FGF12: variants seen among roughly 807,000 people sequenced by gnomAD.
FGF12 encodes fibroblast growth factor 12B.
A neutral mutation model predicts 23.6 loss-of-function variants in FGF12; 14 were observed. That is an observed-to-expected ratio of 0.59 (90% CI 0.39 to 0.93). FGF12 has a LOEUF of 0.93. Among genes scored for constraint, FGF12 ranks in the 40% least tolerant of loss-of-function variants. FGF12 has a pLI of 0.00. For synonymous variants in FGF12, 62 were observed against 77.3 expected (o/e 0.80, Z 1.04); for missense variants, 175 against 217.8 (o/e 0.80, Z 1.24).
intron 2 of FGF12, among the ~76,000 whole-genome samples, chr3:192,368,054 A>C (rs1350147220): frequency 6.6e-6 from 1 of 152,156 alleles, no homozygotes; most frequent in Non-Finnish European, 1.5e-5. Flanking sequence ...TTCTGGGCAA[A>C]AGGGATAATC....
At chr3:192,556,858 T>C (rs949988781) in intron 2 of FGF12, among the ~76,000 whole-genome samples, 5 of 152,038 alleles carry the variant, frequency 3.3e-5, no homozygotes. Context: ...TCTTTTCCAA[T>C]CACAATGGAT....
chr3:192,655,836 A>G (rs1234344079), intron 2 of FGF12, among the ~76,000 whole-genome samples: 1 of 151,988 alleles, frequency 6.6e-6, no homozygotes, highest in Non-Finnish European at 1.5e-5. Context: ...ATGTTTGCAA[A>G]CCCGCATAAT....
intron 2 of FGF12, among the ~76,000 whole-genome samples, chr3:192,694,746 G>T (rs1718059546): frequency 6.6e-6 from 1 of 152,014 alleles, no homozygotes; most frequent in Non-Finnish European, 1.5e-5. Flanking sequence ...TGAACCTGGA[G>T]AACATTATGC....
At chr3:192,687,784 C>T (rs1343772628) in intron 2 of FGF12, among the ~76,000 whole-genome samples, 4 of 152,168 alleles carry the variant, frequency 2.6e-5, no homozygotes, top group African/African-American at 9.7e-5. Context: ...AGGCCCACTA[C>T]TGCCTACACA....
At chr3:192,369,004 T>C (rs949232238) in intron 2 of FGF12, among the ~76,000 whole-genome samples, 1 of 152,100 alleles carries the variant, frequency 6.6e-6, no homozygotes, top group African/African-American at 2.4e-5. Flanking sequence ...GCAAAATTAA[T>C]CACTTCCTCT....
intron 3 of FGF12, among the ~76,000 whole-genome samples, chr3:192,356,518 G>A (rs1380560927): frequency 1.3e-5 from 2 of 152,098 alleles, no homozygotes; most frequent in African/African-American, 4.8e-5. Flanking sequence ...TTTTGTTCCA[G>A]TGTTCCAACA....
At chr3:192,614,208 A>T (rs942126475) in intron 2 of FGF12, among the ~76,000 whole-genome samples, 1 of 151,646 alleles carries the variant, frequency 6.6e-6, no homozygotes. Flanking sequence ...GCATTTACAA[A>T]TTTTTTCCTA....
chr3:192,292,717 A>G (rs1420119020), intron 4 of FGF12, among the ~76,000 whole-genome samples: 1 of 152,130 alleles, frequency 6.6e-6, no homozygotes, highest in Non-Finnish European at 1.5e-5. Context: ...AAACATACCT[A>G]TCTGAAACAA....
At chr3:192,369,057 T>C (rs547209601) in intron 2 of FGF12, among the ~76,000 whole-genome samples, 1 of 152,306 alleles carries the variant, frequency 6.6e-6, no homozygotes, top group East Asian at 1.9e-4. Flanking sequence ...TGTGCACTAT[T>C]TTAGAGGTGC....
intron 2 of FGF12, among the ~76,000 whole-genome samples, chr3:192,431,126 T>G (rs2108790262): frequency 6.6e-6 from 1 of 152,226 alleles, no homozygotes; most frequent in Admixed American, 6.5e-5. Flanking sequence ...CCAACATAAA[T>G]GAGATCTGAA....
At chr3:192,595,966 G>A (rs1240112113) in intron 2 of FGF12, among the ~76,000 whole-genome samples, 2 of 151,550 alleles carry the variant, frequency 1.3e-5, no homozygotes, top group Admixed American at 6.6e-5. Flanking sequence ...GGTGGTGCAC[G>A]CCTGTAGTCC....
At chr3:192,197,750 G>A (rs888525113) in intron 4 of FGF12, among the ~76,000 whole-genome samples, 1 of 152,022 alleles carries the variant, frequency 6.6e-6, no homozygotes, top group Non-Finnish European at 1.5e-5. Flanking sequence ...TTTGAGACCA[G>A]CCTGACCAAC....
chr3:192,517,866 A>G lies in FGF12; in HGVS notation c.14-157328T>C, dbSNP rs188893290. ...GCAACTCCTCATGTGATTGTCACCC[A>G]CTTCCACAATTAGGCACACAGAGTA... is the stretch of plus-strand genomic sequence containing the variant. On this transcript the variant is annotated intron_variant, in intron 2 of 5. Transcript: ENST00000445105. Among the ~76,000 whole-genome samples, 8 of 152,302 alleles carry G rather than the reference A, an allele frequency of 5.3e-5. No homozygotes were observed. The East Asian group carries it at 1.5e-3, about 29-fold the overall frequency.
intron 2 of FGF12, among the ~76,000 whole-genome samples, chr3:192,415,732 T>TCACACACACACACA (rs572589902): frequency 1.7e-5 from 2 of 117,946 alleles, no homozygotes; most frequent in African/African-American, 6.4e-5. Flanking sequence ...TCTCTCTCTC[T>TCACACACACACACA]CACACACACA....
rs1721491177 is a variant in FGF12, at chr3:192,420,505, T to C, written c.14-59967A>G. Among the ~76,000 whole-genome samples the C allele has an allele frequency of 2.0e-5, 3 of 152,298 alleles. 1 individual carries two copies. In the South Asian group the frequency reaches 6.2e-4, roughly 32 times the overall value. The stretch of plus-strand genomic sequence containing the variant: ...GTCATGGGAGCAGATTCCTCATAAA[T>C]GGCTTGGTGCCCTCTCCACGGTAAT... On this transcript the variant is annotated intron_variant, in intron 2 of 5. Coordinates refer to ENST00000445105, the MANE Select transcript of FGF12 (RefSeq NM_004113.6).
chr3:192,610,055 G>T (rs1560168437), intron 2 of FGF12, among the ~76,000 whole-genome samples: 1 of 152,018 alleles, frequency 6.6e-6, no homozygotes, highest in Non-Finnish European at 1.5e-5. Flanking sequence ...ATTAGTATTT[G>T]CTTCCAATTT....
rs972797173 is a variant in FGF12, at chr3:192,439,850, G to A, written c.14-79312C>T. ...AATTTAGCCGGGTGTGGTGGTGGGC[G>A]CCTGTAATCCCAGCTACTTGGGAGG... On this transcript the variant is annotated intron_variant, in intron 2 of 5. Transcript: ENST00000445105. Among the ~76,000 whole-genome samples, 28 of 152,016 alleles carry A rather than the reference G, an allele frequency of 1.8e-4. No homozygotes were observed. In the East Asian group the frequency reaches 5.2e-3, roughly 28 times the overall value.
chr3:192,724,587 A>T (rs1394684590), intron 2 of FGF12, among the ~76,000 whole-genome samples: 1 of 152,184 alleles, frequency 6.6e-6, no homozygotes, highest in Non-Finnish European at 1.5e-5. Flanking sequence ...GTACCAACCC[A>T]AATCTTTGAG....
rs964052101 is a variant in FGF12, at chr3:192,336,012, AT to A, written c.125-549del. Among the ~76,000 whole-genome samples, 9 of 151,844 alleles carry A rather than the reference AT, an allele frequency of 5.9e-5. No homozygotes were observed. Among genetic ancestry groups the A allele is most frequent in the African/African-American group, 2.2e-4 (9 of 41,324 alleles). ...ACAAAACTTTTTTCTTGATATCTCA[AT>A]TTTTTACATGTAAATAAACAGAGAT... is the stretch of plus-strand genomic sequence containing the variant. On this transcript the variant is annotated intron_variant, in intron 3 of 5. Transcript: ENST00000445105. The surrounding 1 kb of genome is among the most constrained non-coding windows in gnomAD (Gnocchi z 4.3).
Sources: allele counts gnomAD v4.1 joint callset (sites outside exome capture counted in the v4.1 genomes callset), GRCh38; gene constraint gnomAD v4.1.1; non-coding constraint Gnocchi (gnomAD v3.1); transcripts MANE v1.5; gene names NCBI Gene and HGNC (gene_info 2026-07-23, HGNC 2026-07-21).